Variants in FAT3 observed in about 807,000 individuals in gnomAD.
FAT3 encodes FAT atypical cadherin 3.
Under a neutral mutation model 310.2 loss-of-function variants are expected in FAT3, and 95 were observed. The ratio of observed to expected loss-of-function variants is 0.31; its 90% CI spans 0.26 to 0.36. The LOEUF (loss-of-function observed/expected upper bound fraction) is 0.36. Ranked by LOEUF, FAT3 falls within the 10% of genes least tolerant of loss-of-function variation. The pLI is 1.00. For missense variants in FAT3, 5,408 were observed against 5,715.6 expected (o/e 0.95, Z 1.74); for synonymous variants, 2,314 against 2,192.9 (o/e 1.06, Z -1.54).
At chr11:92,480,339 T>C (rs1233992345) in intron 2 of FAT3, among the ~76,000 whole-genome samples, 1 of 152,186 alleles carries the variant, frequency 6.6e-6, no homozygotes, top group African/African-American at 2.4e-5. Context: ...CAGTATATTT[T>C]GGAGTCAAAG....
chr11:92,584,774 T>C (rs976742799), intron 3 of FAT3, among the ~76,000 whole-genome samples: 1 of 151,998 alleles, frequency 6.6e-6, no homozygotes, highest in Non-Finnish European at 1.5e-5. Flanking sequence ...AGAATATGTC[T>C]TCAGGGGCCA....
intron 3 of FAT3, among the ~76,000 whole-genome samples, chr11:92,682,844 G>GAGGT (rs2135862426): frequency 6.6e-6 from 1 of 152,188 alleles, no homozygotes; most frequent in South Asian, 2.1e-4. Context: ...TTGGGAAGCC[G>GAGGT]AGGTGGGCAG....
At chr11:92,691,640 C>T (rs560276016) in intron 3 of FAT3, among the ~76,000 whole-genome samples, 33 of 152,216 alleles carry the variant, frequency 2.2e-4, no homozygotes, top group Non-Finnish European at 3.8e-4. Flanking sequence ...CTTGGCCTCT[C>T]AAAGCATTGG....
intron 1 of FAT3, among the ~76,000 whole-genome samples, chr11:92,289,647 GT>G: frequency 6.6e-6 from 1 of 151,954 alleles, no homozygotes; most frequent in Non-Finnish European, 1.5e-5. Context: ...ACTTTTCATT[GT>G]TACTACCTTG....
chr11:92,402,844 CAA>C (rs747991950), intron 2 of FAT3, among the ~76,000 whole-genome samples: 6 of 131,170 alleles, frequency 4.6e-5, no homozygotes, highest in Non-Finnish European at 5.0e-5. Context: ...TATCAAAAAC[CAA>C]AAAAAAAAAA....
At chr11:92,427,045 A>T (rs1950650923) in intron 2 of FAT3, among the ~76,000 whole-genome samples, 1 of 151,616 alleles carries the variant, frequency 6.6e-6, no homozygotes, top group African/African-American at 2.4e-5. Context: ...GTCCTCTCTT[A>T]TTTTCTTGAG....
At chr11:92,703,095 A>G (rs543808890) in intron 4 of FAT3, among the ~76,000 whole-genome samples, 24 of 152,338 alleles carry the variant, frequency 1.6e-4, no homozygotes, top group Non-Finnish European at 2.5e-4. Flanking sequence ...CCTCTGTAAC[A>G]TACAACTCAT....
intron 1 of FAT3, among the ~76,000 whole-genome samples, chr11:92,245,290 A>C (rs1468374822): frequency 6.6e-6 from 1 of 151,758 alleles, no homozygotes; most frequent in Non-Finnish European, 1.5e-5. Flanking sequence ...GAGTTGAATA[A>C]TGAGAACACA....
intron 2 of FAT3, among the ~76,000 whole-genome samples, chr11:92,417,716 C>G (rs1950446211): frequency 6.6e-6 from 1 of 152,136 alleles, no homozygotes; most frequent in South Asian, 2.1e-4. Flanking sequence ...TTTTTTTAGT[C>G]TTAAACCACT....
intron 1 of FAT3, among the ~76,000 whole-genome samples, chr11:92,233,547 G>A (rs1240095044): frequency 1.3e-5 from 2 of 152,190 alleles, no homozygotes; most frequent in African/African-American, 4.8e-5. Context: ...TTCCTCACCT[G>A]AGTGATGTTC....
chr11:92,685,314 G>T (rs1943599830), intron 3 of FAT3, among the ~76,000 whole-genome samples: 2 of 152,086 alleles, frequency 1.3e-5, no homozygotes, highest in African/African-American at 4.8e-5. Context: ...TAACCAAACA[G>T]ACTGCAGACT....
intron 3 of FAT3, among the ~76,000 whole-genome samples, chr11:92,561,208 G>C (rs1955212660): frequency 6.6e-6 from 1 of 151,572 alleles, no homozygotes; most frequent in Admixed American, 6.6e-5. Context: ...TACTTTTACA[G>C]CTATTCCTTC....
At chr11:92,857,478 G>T (rs1043138827) in intron 20 of FAT3, 130 bp downstream of exon 20, 2 of 1,226,814 alleles carry the variant, frequency 1.6e-6, no homozygotes, top group African/African-American at 1.5e-5. Context: ...CTTTAGAATG[G>T]ACCACAGCTA....
chr11:92,369,515 C>T (rs923888832), intron 2 of FAT3, among the ~76,000 whole-genome samples: 7 of 152,134 alleles, frequency 4.6e-5, no homozygotes, highest in South Asian at 4.2e-4. Flanking sequence ...GTCTCTGTAT[C>T]GCTGGAGGAG....
At chr11:92,600,339 A>G (rs1490750878) in intron 3 of FAT3, among the ~76,000 whole-genome samples, 1 of 152,230 alleles carries the variant, frequency 6.6e-6, no homozygotes. Flanking sequence ...ATTTACAGCT[A>G]CATTTGAGAT....
chr11:92,578,238 C>T (rs1045119552), intron 3 of FAT3, among the ~76,000 whole-genome samples: 15 of 151,990 alleles, frequency 9.9e-5, no homozygotes, highest in Non-Finnish European at 1.8e-4. Context: ...ATAATATTCA[C>T]AGGATTACTT....
rs1949717276 is a variant in FAT3, at chr11:92,883,247, C to T, written c.12791C>T (p.Thr4264Ile). Residue 4264 changes from threonine (T) to isoleucine (I), a missense_variant, in exon 24 of 28, where the codon ACC (threonine) becomes ATC (isoleucine). By Grantham distance (89) the Thr-to-Ile change is moderately conservative. This residue lies in a region of FAT3 where 649 missense variants were observed against 666.2 expected (regional missense o/e 0.97). Coordinates refer to ENST00000525166, the MANE Select transcript of FAT3 (RefSeq NM_001367949.2). The surrounding 1 kb of genome is among the most constrained non-coding windows in gnomAD (Gnocchi z 4.2). ...DGLGGEHQEM[T>I]TFHPESPRIL... The stretch of plus-strand genomic sequence containing the variant: ...CTGGGAGGCGAGCACCAGGAAATGA[C>T]CACGTTTCACCCTGAGTCGCCCCGC... 2 of 1,612,950 alleles carry T rather than the reference C, an allele frequency of 1.2e-6. No homozygotes were observed. The highest frequency in any genetic ancestry group is 1.7e-6 in the Non-Finnish European group (2 of 1,179,832).
intron 2 of FAT3, among the ~76,000 whole-genome samples, chr11:92,362,024 A>G (rs1948893962): frequency 6.6e-6 from 1 of 152,256 alleles, no homozygotes; most frequent in African/African-American, 2.4e-5. Context: ...TCATTCAGTC[A>G]TCCCAGGAGG....
At chr11:92,822,583 A>G (rs934362342) in intron 13 of FAT3, among the ~76,000 whole-genome samples, 3 of 152,210 alleles carry the variant, frequency 2.0e-5, no homozygotes, top group African/African-American at 7.2e-5. Context: ...GACAGGCACG[A>G]TTATGTTGTC....
Sources: allele counts gnomAD v4.1 joint callset (sites outside exome capture counted in the v4.1 genomes callset), GRCh38; gene constraint gnomAD v4.1.1; regional missense constraint gnomAD v4.1.1; non-coding constraint Gnocchi (gnomAD v3.1); transcripts MANE v1.5; gene names NCBI Gene and HGNC (gene_info 2026-07-23, HGNC 2026-07-21).